The following FLNB variants were observed in gnomAD, a reference collection of about 807,000 sequenced individuals.
The protein encoded by FLNB is filamin-B.
In FLNB, 111 loss-of-function variants were observed where a neutral mutation model predicts 250.6. That is an observed-to-expected ratio of 0.44 (90% CI 0.38 to 0.52). The LOEUF (loss-of-function observed/expected upper bound fraction) is 0.52, where lower values mean the gene tolerates loss of function less well. Among genes scored for constraint, FLNB ranks in the 20% least tolerant of loss-of-function variants. The pLI is 0.00. For synonymous variants in FLNB, 1,302 were observed against 1,372.1 expected (o/e 0.95, Z 1.13); for missense variants, 2,869 against 3,447.8 (o/e 0.83, Z 4.20).
At chr3:58,023,224 G>A (rs983018929) in intron 1 of FLNB, among the ~76,000 whole-genome samples, 8 of 148,372 alleles carry the variant, frequency 5.4e-5, no homozygotes, top group Admixed American at 2.1e-4. Context: ...TCAGCCTCCC[G>A]AGTAGCTGGG....
rs769722241 is a variant in FLNB at position 58,124,394 on chromosome 3, G to A, written c.3787G>A (p.Gly1263Ser). 123 of 1,614,066 alleles carry A rather than the reference G, an allele frequency of 7.6e-5. 3 individuals are homozygous for A. The South Asian group carries it at 9.6e-4, about 13-fold the overall frequency. ...CTCTCGGCCGCTGACCCAGGTTGGG[G>A]GTGACCACATCAAGGCCCACATTGC... Reference protein sequence around the residue: ...VDSRPLTQVGGDHIKAHIANP... With the variant: ...VDSRPLTQVGSDHIKAHIANP... The change falls in exon 22 of 46, where the codon GGT (glycine) becomes AGT (serine). Residue 1263 changes from glycine to serine, a missense_variant. Gly to Ser is a moderately conservative substitution (Grantham distance 56, BLOSUM62 0). Around this residue, in one of 5 missense-constraint regions of FLNB, gnomAD observed 1,348 missense variants for 1,466.7 expected, o/e 0.92. Transcript: ENST00000295956.
chr3:58,056,869 G>A (rs1293181886), intron 1 of FLNB, among the ~76,000 whole-genome samples: 1 of 152,134 alleles, frequency 6.6e-6, no homozygotes, highest in Non-Finnish European at 1.5e-5. Flanking sequence ...GATTACAGGC[G>A]TGAGCCACCA....
chr3:58,097,041 G>T (rs1205354636), intron 6 of FLNB, among the ~76,000 whole-genome samples: 1 of 152,234 alleles, frequency 6.6e-6, no homozygotes, highest in East Asian at 1.9e-4. Context: ...GGCTGAGAGA[G>T]CCTGTCTTGC....
In FLNB at chr3:58,159,687, G is replaced by A. The variant is rs777994329; in HGVS notation, c.7021+1G>A. On this transcript the variant is annotated splice_donor_variant, in intron 42 of 45. Transcript: ENST00000295956. LOFTEE classifies it high-confidence loss of function. ...TGCCACGTGTCTGAGCTGGAGCCAG[G>A]TGAGCAGGAGGCCTGCTGGGGGGTC... 1 of 1,613,096 alleles carries A rather than the reference G, an allele frequency of 6.2e-7. No homozygotes were observed. Among genetic ancestry groups the A allele is most frequent in the Non-Finnish European group, 8.5e-7 (1 of 1,180,012 alleles).
chr3:58,049,817 G>C (rs1003948815), intron 1 of FLNB, among the ~76,000 whole-genome samples: 2 of 152,146 alleles, frequency 1.3e-5, no homozygotes, highest in African/African-American at 4.8e-5. Flanking sequence ...GGGAGGAGGG[G>C]TGGCTGATGT....
chr3:58,071,522 T>C lies in FLNB; in HGVS notation c.293-5524T>C, dbSNP rs112792103. Among the ~76,000 whole-genome samples the C allele has an allele frequency of 6.9e-3, 1,049 of 152,124 alleles. 10 individuals carry two copies. The highest frequency in any genetic ancestry group is 0.024 in the African/African-American group (990 of 41,494). Reference sequence around the variant, plus strand: ...TCGAACTCCTGACCCCAAGTGATCCTCCTGCCTCGGCCTCCCAAAGTGTTG... The same window carrying C: ...TCGAACTCCTGACCCCAAGTGATCCCCCTGCCTCGGCCTCCCAAAGTGTTG... On this transcript the variant is annotated intron_variant, in intron 1 of 45. Transcript: ENST00000295956.
chr3:58,154,823 G>T lies in FLNB; in HGVS notation c.6667G>T (p.Ala2223Ser), dbSNP rs750450803. The T allele has an allele frequency of 6.2e-7, 1 of 1,614,086 alleles. No homozygotes were observed. Among genetic ancestry groups the T allele is most frequent in the South Asian group, 1.1e-5 (1 of 91,078 alleles). ...CAGCATTTGGACCCGGGAAGCAGGC[G>T]CTGGAGGCCTCTCCATCGCTGTTGA... ...EFSIWTREAG[A>S]GGLSIAVEGP... The change falls in exon 40 of 46, where the codon GCT (alanine) becomes TCT (serine). Residue 2223 changes from alanine to serine, a missense_variant. Coordinates refer to ENST00000295956, the MANE Select transcript of FLNB (RefSeq NM_001457.4).
intron 8 of FLNB, among the ~76,000 whole-genome samples, chr3:58,100,371 A>ATATATATATATATATATATATATATAT (rs1273706014): frequency 1.6e-4 from 4 of 25,248 alleles, no homozygotes; most frequent in Admixed American, 8.9e-4. Context: ...ATGTAAAAAA[A>ATATATATATATATATATATATATATAT]AAATATATAT....
At chr3:58,041,269 A>G (rs1181061863) in intron 1 of FLNB, among the ~76,000 whole-genome samples, 1 of 152,192 alleles carries the variant, frequency 6.6e-6, no homozygotes, top group Non-Finnish European at 1.5e-5. Flanking sequence ...TGCAGTATTT[A>G]TTTTCAGAAG....
intron 1 of FLNB, among the ~76,000 whole-genome samples, chr3:58,009,827 C>T (rs1345882174): frequency 6.6e-6 from 1 of 152,132 alleles, no homozygotes; most frequent in Non-Finnish European, 1.5e-5. Context: ...ATTGGTGTCT[C>T]TTGCTGGACT....
intron 1 of FLNB, among the ~76,000 whole-genome samples, chr3:58,013,030 G>A (rs73834781): frequency 0.024 from 3,726 of 152,286 alleles, 160 homozygotes; most frequent in African/African-American, 0.086. Flanking sequence ...ATTTCCTTAC[G>A]TTTCTTGTTA....
Position 58,084,242 on chromosome 3 carries a change from C to G in FLNB, c.787+2466C>G, listed in dbSNP as rs73837285. Among the ~76,000 whole-genome samples, 403 of 150,908 alleles carry G rather than the reference C, an allele frequency of 2.7e-3. 3 individuals carry two copies. The highest frequency in any genetic ancestry group is 9.3e-3 in the African/African-American group (384 of 41,088). The stretch of plus-strand genomic sequence containing the variant: ...CTTTAAGGCATACCACAGGTGGTGG[C>G]TGGAATGAGGAATCTCTGACTTTAA... On this transcript the variant is annotated intron_variant, in intron 4 of 45. Transcript: ENST00000295956.
At chr3:58,056,095 T>TTATG (rs1341428913) in intron 1 of FLNB, among the ~76,000 whole-genome samples, 1 of 132,408 alleles carries the variant, frequency 7.6e-6, no homozygotes, top group Non-Finnish European at 1.5e-5. Flanking sequence ...ATTTATTTAT[T>TTATG]TATTTATTTA....
At chr3:58,039,636 T>C (rs1194663001) in intron 1 of FLNB, among the ~76,000 whole-genome samples, 2 of 152,212 alleles carry the variant, frequency 1.3e-5, no homozygotes, top group Non-Finnish European at 2.9e-5. Context: ...ACTAGCTTTT[T>C]TGTGCTCTGA....
intron 28 of FLNB, among the ~76,000 whole-genome samples, 200 bp from the exon 29 acceptor site, chr3:58,138,082 G>T (rs191554700): frequency 3.9e-5 from 6 of 152,308 alleles, no homozygotes; most frequent in African/African-American, 1.4e-4. Context: ...GCTTACAGAT[G>T]CTCCTTATTT....
intron 32 of FLNB, among the ~76,000 whole-genome samples, chr3:58,144,776 A>G (rs1035123035): frequency 6.6e-6 from 1 of 152,230 alleles, no homozygotes; most frequent in African/African-American, 2.4e-5. Flanking sequence ...ATATGGTATC[A>G]AATTTTTGGA....
Position 58,031,543 on chromosome 3 carries a change from C to CTTTT in FLNB, c.292+22709_292+22712dup, listed in dbSNP as rs764190111. Among the ~76,000 whole-genome samples the CTTTT allele has an allele frequency of 4.1e-3, 319 of 77,130 alleles. 13 individuals carry two copies. The highest frequency in any genetic ancestry group is 0.016 in the African/African-American group (285 of 17,348). 50.6% of individuals were successfully genotyped at this position (77,130 alleles called of 152,430 possible). On this transcript the variant is annotated intron_variant, in intron 1 of 45. Transcript: ENST00000295956. ...ACAGACGTGAGCCACCGTGCCCTGC[C>CTTTT]TTTTTTTTTTTTTTTTTTTTTTTTT... is the stretch of plus-strand genomic sequence containing the variant.
chr3:58,140,410 G>A (rs1158095384), intron 29 of FLNB, among the ~76,000 whole-genome samples: 2 of 152,216 alleles, frequency 1.3e-5, no homozygotes, highest in African/African-American at 4.8e-5. Flanking sequence ...GCAGGCAGAG[G>A]ATAGGGCTGT....
In FLNB at chr3:58,134,786, AT is replaced by A. The variant is rs1259655461; in HGVS notation, c.4671+18del. The A allele has an allele frequency of 6.2e-7, 1 of 1,612,914 alleles. No individual in the cohort carries two copies. Among genetic ancestry groups the A allele is most frequent in the Non-Finnish European group, 8.5e-7 (1 of 1,179,016 alleles). On this transcript the variant is annotated intron_variant, in intron 27 of 45. Transcript: ENST00000295956. ...GTTCAAATAACGGTAACTTGGAGTT[AT>A]TTTCTGAGCCAAACCTTAATCCTAA...
Sources: allele counts gnomAD v4.1 joint callset (sites outside exome capture counted in the v4.1 genomes callset), GRCh38; gene constraint gnomAD v4.1.1; regional missense constraint gnomAD v4.1.1; transcripts MANE v1.5; gene names NCBI Gene and HGNC (gene_info 2026-07-23, HGNC 2026-07-21).